ZFP1: variants seen among roughly 807,000 people sequenced by gnomAD.
ZFP1 encodes the protein ZFP1 zinc finger protein.
ZFP1 carries 32 observed loss-of-function variants against 38.5 expected under a neutral mutation model. The ratio of observed to expected loss-of-function variants is 0.83; its 90% CI spans 0.63 to 1.12. ZFP1 has a LOEUF of 1.12. ZFP1 is among the 50% of genes most tolerant of loss of function. The probability of loss-of-function intolerance (pLI) is 0.00; values close to 1 mark genes in which losing one functional copy is unlikely to be tolerated. For missense variants in ZFP1, 616 were observed against 480.8 expected, an observed-to-expected ratio of 1.28 and a Z score of -2.63; for synonymous variants, 245 against 168.8, an observed-to-expected ratio of 1.45 and a Z score of -3.50.
chr16:75,169,115 GAATTTTTT>G (rs2038269210), intron 3 of ZFP1, 130 bp from the exon 4 acceptor site: 1 of 1,174,932 alleles, frequency 8.5e-7, no homozygotes, highest in African/African-American at 1.6e-5. Flanking sequence ...TTTGCACTGG[GAATTTTTT>G]AATATTGGGA....
chr16:75,163,901 C>T (rs2145560377), intron 2 of ZFP1, among the ~76,000 whole-genome samples: 1 of 152,316 alleles, frequency 6.6e-6, no homozygotes, highest in South Asian at 2.1e-4. Flanking sequence ...TGAGCCACAG[C>T]ACCGGCACTG....
At chr16:75,123,290 G>C in the ZFP1 span, among the ~76,000 whole-genome samples, 1 of 150,936 alleles carries the variant, frequency 6.6e-6, no homozygotes, top group African/African-American at 2.4e-5. Context: ...GGAGGTGGAG[G>C]TTGCAGTGAA....
the ZFP1 span, among the ~76,000 whole-genome samples, chr16:75,138,256 C>G: frequency 6.6e-6 from 1 of 151,948 alleles, no homozygotes; most frequent in African/African-American, 2.4e-5. Flanking sequence ...AGGATGGTCT[C>G]TGTCTCTTGA....
chr16:75,139,376 A>AAAAAAAAAC, the ZFP1 span, among the ~76,000 whole-genome samples: 1 of 135,526 alleles, frequency 7.4e-6, no homozygotes, highest in African/African-American at 3.6e-5. Context: ...CTCAAAAAAA[A>AAAAAAAAAC]AAAAAAAAAA....
At chr16:75,123,431 G>GTA in the ZFP1 span, among the ~76,000 whole-genome samples, 1 of 7,014 alleles carries the variant, frequency 1.4e-4, no homozygotes, top group Admixed American at 1.8e-3. Context: ...ATATAAGAAT[G>GTA]TGTGTGTGTG....
intron 2 of ZFP1, among the ~76,000 whole-genome samples, chr16:75,164,187 T>C (rs2037936354): frequency 1.3e-5 from 2 of 152,230 alleles, no homozygotes; most frequent in South Asian, 2.1e-4. Flanking sequence ...TTGTGTTGTT[T>C]TTAAAATTTG....
At chr16:75,169,059 T>C (rs2038265760) in intron 3 of ZFP1, among the ~76,000 whole-genome samples, 194 bp from the exon 4 acceptor site, 1 of 152,246 alleles carries the variant, frequency 6.6e-6, no homozygotes, top group Admixed American at 6.5e-5. Context: ...TTTGTTTTTT[T>C]AACCACAAGC....
chr16:75,132,657 T>TTTC, the ZFP1 span: 1 of 144,866 alleles, frequency 6.9e-6, no homozygotes, highest in East Asian at 2.0e-4. Context: ...CATTTCTTTT[T>TTTC]TTTTTTTTTT....
chr16:75,165,164 C>A (rs928126123), intron 2 of ZFP1, among the ~76,000 whole-genome samples: 2 of 151,968 alleles, frequency 1.3e-5, no homozygotes, highest in African/African-American at 4.8e-5. Context: ...GTTGCCTATG[C>A]CTGTTTTTGT....
At chr16:75,165,139 C>T (rs2037998178) in intron 2 of ZFP1, among the ~76,000 whole-genome samples, 1 of 151,794 alleles carries the variant, frequency 6.6e-6, no homozygotes, top group Non-Finnish European at 1.5e-5. Context: ...CACAGCCATG[C>T]CTATTTGTTG....
At chr16:75,148,943 G>T (rs1311896697) in intron 1 of ZFP1, 2 of 152,066 alleles carry the variant, frequency 1.3e-5, no homozygotes, top group African/African-American at 4.8e-5. Context: ...GGGCCGCGCG[G>T]GAGCGAGTTC....
At chr16:75,153,490 GAT>G (rs1220598728) in intron 2 of ZFP1, among the ~76,000 whole-genome samples, 1 of 152,094 alleles carries the variant, frequency 6.6e-6, no homozygotes, top group Non-Finnish European at 1.5e-5. Flanking sequence ...ACAAACGTAA[GAT>G]AGCATGTTAA....
chr16:75,121,015 A>G, the ZFP1 span, among the ~76,000 whole-genome samples: 1 of 152,172 alleles, frequency 6.6e-6, no homozygotes, highest in African/African-American at 2.4e-5. Context: ...CTGTAAAAGC[A>G]TCACGTGTTC....
chr16:75,130,564 C>G, the ZFP1 span, among the ~76,000 whole-genome samples: 1 of 152,184 alleles, frequency 6.6e-6, no homozygotes, highest in Non-Finnish European at 1.5e-5. Context: ...TCACCCAACT[C>G]CTGAGATCTT....
chr16:75,142,877 T>G, the ZFP1 span, among the ~76,000 whole-genome samples: 1 of 152,108 alleles, frequency 6.6e-6, no homozygotes, highest in Non-Finnish European at 1.5e-5. Context: ...AATTTTTATA[T>G]TTTTAGTAGA....
At chr16:75,133,916 G>C in the ZFP1 span, among the ~76,000 whole-genome samples, 2 of 152,016 alleles carry the variant, frequency 1.3e-5, no homozygotes, top group African/African-American at 4.8e-5. Context: ...AGGCGTGCTG[G>C]TGCATGCCTG....
chr16:75,171,702 A>G lies in ZFP1; in HGVS notation c.*1368A>G, dbSNP rs1335607289. 2.0e-5 allele frequency: 3 copies of G among 152,220 alleles called. No homozygotes were observed. Among genetic ancestry groups the G allele is most frequent in the Non-Finnish European group, 4.4e-5 (3 of 68,036 alleles). 9.4% of individuals were successfully genotyped at this position (152,220 alleles called of 1,614,324 possible). ...AACCAAAAACTGGCTTTTAAAAAATATTTTTGGATATCATTGATGTGCTGT... is the reference window on the plus strand; with the variant it reads ...AACCAAAAACTGGCTTTTAAAAAATGTTTTTGGATATCATTGATGTGCTGT... On this transcript the variant is annotated 3_prime_UTR_variant, in exon 4 of 4. Transcript: ENST00000570010.
the ZFP1 span, among the ~76,000 whole-genome samples, chr16:75,128,200 G>A: frequency 1.0e-3 from 157 of 152,336 alleles, 2 homozygotes; most frequent in South Asian, 7.9e-3. Flanking sequence ...AGTAAAGAAT[G>A]TCACTGTGGG....
chr16:75,128,093 A>C, the ZFP1 span: 1 of 152,232 alleles, frequency 6.6e-6, no homozygotes, highest in Non-Finnish European at 1.5e-5. Flanking sequence ...CCTTTAAGGA[A>C]TCAAACTTCA....
Sources: gnomAD v4.1 joint callset for allele counts (sites outside exome capture counted in the v4.1 genomes callset) on GRCh38, gnomAD v4.1.1 for gene constraint, MANE v1.5 for transcripts, NCBI Gene and HGNC (gene_info 2026-07-23, HGNC 2026-07-21) for gene names.